The following PTPN3 variants were observed in gnomAD, a reference collection of about 807,000 sequenced individuals.
PTPN3 encodes the protein tyrosine-protein phosphatase non-receptor type 3.
Under a neutral mutation model 132.7 loss-of-function variants are expected in PTPN3, and 96 were observed. That is an observed-to-expected ratio of 0.72 (90% confidence interval 0.61 to 0.86). PTPN3 has a LOEUF of 0.86. PTPN3 is among the 40% of genes least tolerant of loss of function. The probability of loss-of-function intolerance (pLI) is 0.00; values close to 1 mark genes in which losing one functional copy is unlikely to be tolerated. For synonymous variants in PTPN3, 398 were observed against 429.0 expected (o/e 0.93, Z 0.89); for missense variants, 1,125 against 1,159.6 (o/e 0.97, Z 0.43).
chr9:109,472,447 CCAT>C (rs1564473146), intron 1 of PTPN3, among the ~76,000 whole-genome samples: 4 of 152,158 alleles, frequency 2.6e-5, no homozygotes, highest in African/African-American at 4.8e-5. Context: ...TCTGTTTTCA[CCAT>C]CATTTTTATT....
intron 10 of PTPN3, among the ~76,000 whole-genome samples, chr9:109,431,058 T>A (rs958631139): frequency 6.6e-6 from 1 of 152,218 alleles, no homozygotes; most frequent in African/African-American, 2.4e-5. Context: ...GGGGTCACCA[T>A]CTGGTGCTGG....
chr9:109,437,029 A>AT, intron 8 of PTPN3, 59 bp from the exon 9 acceptor site: 1 of 1,604,110 alleles, frequency 6.2e-7, no homozygotes. Context: ...ATTAACTCCA[A>AT]TTTTAAAAAA....
Position 109,463,499 on chromosome 9 carries a change from G to C in PTPN3, c.-17-48C>G, listed in dbSNP as rs1456485552. ...TAGTGCTTTAATATGCGAATTGTCA[G>C]TTACTTGTGAGTGCAGATACCTGTC... On this transcript the variant is annotated intron_variant, in intron 1 of 25. Transcript: ENST00000374541. 9 of 1,547,734 alleles carry C rather than the reference G, an allele frequency of 5.8e-6. No individual in the cohort carries two copies. In the East Asian group the frequency reaches 2.0e-4, roughly 35 times the overall value.
intron 5 of PTPN3, chr9:109,450,575 G>C: frequency 1.0e-5 from 10 of 985,086 alleles, no homozygotes; most frequent in Non-Finnish European, 1.2e-5. Flanking sequence ...AAAGAAACTA[G>C]AATAGTGGAA....
At chr9:109,449,091 C>G (rs1462873632) in intron 5 of PTPN3, 2 of 1,353,336 alleles carry the variant, frequency 1.5e-6, no homozygotes, top group Non-Finnish European at 1.9e-6. Context: ...TCTGCCAGCA[C>G]AGGCTGTCCT....
intron 1 of PTPN3, among the ~76,000 whole-genome samples, chr9:109,471,516 T>C (rs953603581): frequency 3.3e-5 from 5 of 152,190 alleles, no homozygotes; most frequent in African/African-American, 1.2e-4. Flanking sequence ...ACAGTACAAT[T>C]ATCACACTGA....
At chr9:109,536,503 C>T in the PTPN3 span, among the ~76,000 whole-genome samples, 1 of 152,168 alleles carries the variant, frequency 6.6e-6, no homozygotes, top group Non-Finnish European at 1.5e-5. Context: ...GATACGATGC[C>T]TTTAATTATA....
intron 1 of PTPN3, among the ~76,000 whole-genome samples, chr9:109,463,705 T>A (rs763460129): frequency 2.6e-5 from 4 of 152,246 alleles, no homozygotes; most frequent in Non-Finnish European, 5.9e-5. Context: ...GTCTGAGTCT[T>A]CTAATTTATA....
chr9:109,394,479 G>A (rs1311941948), intron 19 of PTPN3, among the ~76,000 whole-genome samples: 5 of 144,844 alleles, frequency 3.5e-5, no homozygotes, highest in African/African-American at 1.0e-4. Context: ...TTTGAGACAC[G>A]TTGCCCAGGC....
At chr9:109,486,168 G>A (rs1262543906) in intron 1 of PTPN3, among the ~76,000 whole-genome samples, 1 of 152,158 alleles carries the variant, frequency 6.6e-6, no homozygotes, top group Non-Finnish European at 1.5e-5. Context: ...GAAAGGCAGA[G>A]TACAGGACCC....
At chr9:109,506,652 GA>G in the PTPN3 span, among the ~76,000 whole-genome samples, 1 of 149,256 alleles carries the variant, frequency 6.7e-6, no homozygotes, top group South Asian at 2.1e-4. Flanking sequence ...ACCCAGGCAG[GA>G]GTGCAGAGGT....
At chr9:109,468,981 G>A (rs1441500562) in intron 1 of PTPN3, among the ~76,000 whole-genome samples, 2 of 152,232 alleles carry the variant, frequency 1.3e-5, no homozygotes, top group African/African-American at 2.4e-5. Flanking sequence ...GCTTGCTAGA[G>A]TTAAAAGATA....
At chr9:109,533,768 T>C in the PTPN3 span, 257 of 1,337,722 alleles carry the variant, frequency 1.9e-4, 2 homozygotes, top group Admixed American at 1.7e-4. Context: ...TCACCTGCTG[T>C]AGGGCCGGCG....
intron 5 of PTPN3, chr9:109,450,364 A>T: frequency 2.0e-6 from 2 of 984,760 alleles, no homozygotes; most frequent in Non-Finnish European, 2.4e-6. Context: ...TCCTCCTACA[A>T]TGCTACTGAG....
chr9:109,447,102 C>G (rs1290762230), intron 6 of PTPN3, among the ~76,000 whole-genome samples: 5 of 152,196 alleles, frequency 3.3e-5, no homozygotes, highest in Admixed American at 6.5e-5. Context: ...ACAAGGGCCA[C>G]AGATCTAAGC....
chr9:109,529,552 C>A, the PTPN3 span, among the ~76,000 whole-genome samples: 1 of 152,226 alleles, frequency 6.6e-6, no homozygotes, highest in Non-Finnish European at 1.5e-5. Flanking sequence ...CCATTCCTAT[C>A]TGTTCTCTAT....
chr9:109,410,761 C>T (rs987476806), intron 14 of PTPN3, among the ~76,000 whole-genome samples: 2 of 152,220 alleles, frequency 1.3e-5, no homozygotes, highest in African/African-American at 2.4e-5. Context: ...GCCAGGCAAG[C>T]TCATGCAGAT....
At chr9:109,449,021 G>T (rs757137741) in intron 5 of PTPN3, 166 bp from the exon 6 acceptor site, 2 of 1,424,686 alleles carry the variant, frequency 1.4e-6, no homozygotes, top group Non-Finnish European at 9.1e-7. Flanking sequence ...CTGCAAAGCT[G>T]CCCTGTCATT....
At chr9:109,475,340 C>T (rs367708576) in intron 1 of PTPN3, among the ~76,000 whole-genome samples, 3 of 152,104 alleles carry the variant, frequency 2.0e-5, no homozygotes, top group African/African-American at 7.2e-5. Context: ...ACTTTCTCAT[C>T]GGAAATAATT....
Sources: gnomAD v4.1 joint callset for allele counts (sites outside exome capture counted in the v4.1 genomes callset) on GRCh38, gnomAD v4.1.1 for gene constraint, MANE v1.5 for transcripts, NCBI Gene and HGNC (gene_info 2026-07-23, HGNC 2026-07-21) for gene names.